Variants in GORASP2 observed in about 807,000 individuals in gnomAD.
GORASP2 encodes the protein golgi reassembly stacking protein 2.
Under a neutral mutation model 45.7 loss-of-function variants are expected in GORASP2, and 22 were observed. That is an observed-to-expected ratio of 0.48 (90% confidence interval 0.34 to 0.69). The LOEUF is 0.69. Among genes scored for constraint, GORASP2 ranks in the 30% least tolerant of loss-of-function variants. GORASP2 has a pLI of 0.01. For missense variants in GORASP2, 491 were observed against 562.7 expected (o/e 0.87, Z 1.29); for synonymous variants, 221 against 215.6 (o/e 1.02, Z -0.22).
intron 5 of GORASP2, 22 bp downstream of exon 5, chr2:170,951,480 A>G: frequency 6.3e-7 from 1 of 1,575,770 alleles, no homozygotes; most frequent in Non-Finnish European, 8.6e-7. Flanking sequence ...TTTTAGACTA[A>G]GTTATGACTG....
chr2:170,938,336 T>TA (rs1041313493), intron 1 of GORASP2, among the ~76,000 whole-genome samples: 1 of 152,250 alleles, frequency 6.6e-6, no homozygotes. Context: ...AAGCAACAGT[T>TA]ACTTTTTGTC....
At chr2:170,929,449 G>T in intron 1 of GORASP2, 46 bp downstream of exon 1, 1 of 1,311,126 alleles carries the variant, frequency 7.6e-7, no homozygotes. Context: ...TGGAGGCGGG[G>T]CCGGCCGCGG....
In GORASP2 at chr2:170,929,723, AC is replaced by A. The variant is rs538622930; in HGVS notation, c.63+327del. ...TTCCGCACGGCCTTCTCTCTCCTCC[AC>A]CCCCCCTCATTTTTAGCTTCCAAAG... On this transcript the variant is annotated intron_variant, in intron 1 of 9. Coordinates refer to ENST00000234160, the MANE Select transcript of GORASP2 (RefSeq NM_015530.5). 464 of 572,972 alleles carry A rather than the reference AC, an allele frequency of 8.1e-4. 2 individuals are homozygous for A. The highest frequency in any genetic ancestry group is 7.7e-3 in the African/African-American group (402 of 52,530). 35.5% of individuals were successfully genotyped at this position (572,972 alleles called of 1,614,324 possible). A position where few individuals can be genotyped will look rare whatever the true frequency, so the allele number is the denominator to read the frequency against.
At chr2:170,957,327 A>C (rs1386661431) in intron 7 of GORASP2, among the ~76,000 whole-genome samples, 1 of 151,294 alleles carries the variant, frequency 6.6e-6, no homozygotes, top group Middle Eastern at 3.2e-3. Context: ...CCCAGGCCGG[A>C]GTACAATGGC....
intron 7 of GORASP2, 47 bp downstream of exon 7, chr2:170,956,606 T>A: frequency 5.9e-6 from 9 of 1,520,514 alleles, no homozygotes; most frequent in Non-Finnish European, 8.0e-6. Flanking sequence ...TATGTAATAT[T>A]ATTGCATAGA....
chr2:170,963,072 A>C (rs758779833), intron 9 of GORASP2, 126 bp downstream of exon 9: 110 of 671,330 alleles, frequency 1.6e-4, no homozygotes, highest in Non-Finnish European at 2.7e-4. Flanking sequence ...CTTCAAATAA[A>C]TATTCATCTT....
At chr2:170,961,881 T>G in intron 8 of GORASP2, 132 bp downstream of exon 8, 1 of 688,232 alleles carries the variant, frequency 1.5e-6, no homozygotes, top group East Asian at 2.6e-5. Flanking sequence ...ATCTCTGCAA[T>G]AAGTTTGTGA....
At chr2:170,954,519 CAAAG>C (rs924943436) in intron 5 of GORASP2, 127 bp from the exon 6 acceptor site, 15 of 643,960 alleles carry the variant, frequency 2.3e-5, no homozygotes, top group African/African-American at 5.5e-5. Context: ...TTTAAAATCT[CAAAG>C]AAGGGAGTGC....
intron 7 of GORASP2, 67 bp from the exon 8 acceptor site, chr2:170,961,596 A>C: frequency 2.3e-6 from 2 of 867,006 alleles, no homozygotes; most frequent in South Asian, 1.3e-5. Flanking sequence ...AGATTGTCCT[A>C]ATGTGTTCTG....
intron 1 of GORASP2, among the ~76,000 whole-genome samples, chr2:170,930,995 CG>C (rs1703810167): frequency 1.3e-5 from 2 of 148,622 alleles, no homozygotes; most frequent in South Asian, 4.2e-4. Context: ...AAAAAAGTCG[CG>C]TGTTTGAAAG....
chr2:170,936,927 G>T (rs372260451), intron 1 of GORASP2, among the ~76,000 whole-genome samples: 3 of 152,058 alleles, frequency 2.0e-5, no homozygotes, highest in East Asian at 1.9e-4. Flanking sequence ...AAAAATTTAA[G>T]GCTAGGTGCG....
At chr2:170,964,025 C>T (rs760846500) in intron 9 of GORASP2, among the ~76,000 whole-genome samples, 3 of 152,150 alleles carry the variant, frequency 2.0e-5, no homozygotes, top group Non-Finnish European at 4.4e-5. Flanking sequence ...TGCTTTTATA[C>T]TCAAAACTAT....
Position 170,966,441 on chromosome 2 carries a change from T to A in GORASP2, c.*311T>A. On this transcript the variant is annotated 3_prime_UTR_variant, in exon 10 of 10. Transcript: ENST00000234160. ...CTTCGGGAAAGGTGGTGGCGGGGCG[T>A]CCACTAGGTTTCCTGTCCCCTGCTG... is the stretch of plus-strand genomic sequence containing the variant. 1 of 442,122 alleles carries A rather than the reference T, an allele frequency of 2.3e-6. No individual in the cohort carries two copies. Among genetic ancestry groups the A allele is most frequent in the South Asian group, 2.4e-5 (1 of 42,410 alleles). The allele number at this position is 442,122 out of a possible 1,614,324, so 27.4% of individuals were successfully genotyped here. A position where few individuals can be genotyped will look rare whatever the true frequency, so the allele number is the denominator to read the frequency against.
chr2:170,963,960 T>TAA (rs5836315), intron 9 of GORASP2, among the ~76,000 whole-genome samples: 18 of 150,592 alleles, frequency 1.2e-4, no homozygotes, highest in Non-Finnish European at 2.1e-4. Flanking sequence ...TCTTCTTTTG[T>TAA]AAAAAAAAAA....
intron 1 of GORASP2, among the ~76,000 whole-genome samples, chr2:170,944,435 A>G (rs1176527684): frequency 2.0e-5 from 3 of 152,242 alleles, no homozygotes; most frequent in Non-Finnish European, 4.4e-5. Flanking sequence ...GTTAATTTCA[A>G]GGGCCATTAG....
At chr2:170,954,595 C>A in intron 5 of GORASP2, 55 bp from the exon 6 acceptor site, 13 of 1,475,792 alleles carry the variant, frequency 8.8e-6, no homozygotes, top group African/African-American at 1.4e-5. Flanking sequence ...AAAAACACCT[C>A]AAAGAAATAC....
chr2:170,938,544 A>G (rs1003842387), intron 1 of GORASP2, among the ~76,000 whole-genome samples: 1 of 152,242 alleles, frequency 6.6e-6, no homozygotes, highest in African/African-American at 2.4e-5. Flanking sequence ...CAGTGTTACT[A>G]CACACATTAA....
At position 170,956,533 on chromosome 2, in the gene GORASP2, C is replaced by A. The variant is rs759615233; in HGVS notation, c.797C>A (p.Pro266Gln). Residue 266 changes from proline to glutamine, a missense_variant, in exon 7 of 10, where the codon CCA becomes CAA. Coordinates refer to ENST00000234160, the MANE Select transcript of GORASP2 (RefSeq NM_015530.5). ...GGACTTTCTATTAGCTCAACTCCAC[C>A]AGCTGTCAGTAGTGTTCTCAGTACA... ...LTGLSISSTP[P>Q]AVSSVLSTGV... 1 of 1,613,018 alleles carries A rather than the reference C, an allele frequency of 6.2e-7. No individual in the cohort carries two copies. The highest frequency in any genetic ancestry group is 1.7e-5 in the Admixed American group (1 of 59,984).
chr2:170,950,564 A>G (rs1283548343), intron 4 of GORASP2, among the ~76,000 whole-genome samples: 1 of 152,154 alleles, frequency 6.6e-6, no homozygotes, highest in Non-Finnish European at 1.5e-5. Flanking sequence ...TCAAATTCTC[A>G]TTTTCAATTG....
Sources: gnomAD v4.1 joint callset for allele counts (sites outside exome capture counted in the v4.1 genomes callset) on GRCh38, gnomAD v4.1.1 for gene constraint, MANE v1.5 for transcripts, NCBI Gene and HGNC (gene_info 2026-07-23, HGNC 2026-07-21) for gene names.